Variants in ROM1 observed in about 807,000 individuals in gnomAD.
The protein encoded by ROM1 is rod outer segment membrane protein 1.
ROM1 carries 17 observed loss-of-function variants against 23.0 expected under a neutral mutation model. The observed-to-expected ratio is 0.74, with a 90% confidence interval of 0.51 to 1.11. The LOEUF (loss-of-function observed/expected upper bound fraction) is 1.11, where lower values mean the gene tolerates loss of function less well. Among genes scored for constraint, ROM1 ranks in the 50% least tolerant of loss-of-function variants. The pLI, the probability that ROM1 is intolerant of heterozygous loss-of-function variation, is 0.00. For missense variants in ROM1, 436 were observed against 439.7 expected (o/e 0.99, Z 0.08); for synonymous variants, 200 against 206.5 (o/e 0.97, Z 0.27).
Position 62,613,844 on chromosome 11 carries a change from T to G in ROM1, c.563T>G (p.Leu188Arg). ...FGVQWVSSRY[L>R]DPGDRDVADR... ...GTCCAGTGGGTCAGCAGCCGTTACC[T>G]GGATCCCGGTGACCGGGATGTGGCT... The change falls in exon 1 of 3, where the codon CTG (leucine) becomes CGG (arginine). Residue 188 changes from leucine to arginine, a missense_variant. Coordinates refer to ENST00000278833, the MANE Select transcript of ROM1 (RefSeq NM_000327.4). 6.2e-7 allele frequency: 1 copy of G among 1,614,034 alleles called. No individual in the cohort carries two copies. The highest frequency in any genetic ancestry group is 1.6e-4 in the Middle Eastern group (1 of 6,062).
chr11:62,614,145 C>A, intron 1 of ROM1, 113 bp from the exon 2 acceptor site: 1 of 1,326,684 alleles, frequency 7.5e-7, no homozygotes, highest in Non-Finnish European at 1.1e-6. Context: ...CATAGTACAG[C>A]AGTCAGTAAA....
At position 62,613,446 on chromosome 11, in the gene ROM1, C is replaced by T. The variant is rs373744940; in HGVS notation, c.165C>T (p.Pro55=). ...QLRHLGTFLA[P]SCQFPVLPQA... ...GGCACCTTGGCACCTTCCTGGCTCC[C>T]TCCTGTCAGTTCCCTGTCCTGCCCC... is the stretch of plus-strand genomic sequence containing the variant. Residue 55 remains proline (P), a synonymous_variant, in exon 1 of 3, where the codon CCC becomes CCT. Transcript: ENST00000278833. 9.3e-6 allele frequency: 15 copies of T among 1,612,986 alleles called. No homozygotes were observed. The highest frequency in any genetic ancestry group is 6.7e-5 in the African/African-American group (5 of 74,910).
rs1387102485 is a variant in ROM1, at chr11:62,613,517, T to TG, written c.239dup (p.Val81CysfsTer51). 9.9e-6 allele frequency: 16 copies of TG among 1,613,692 alleles called. No homozygotes were observed. Among genetic ancestry groups the TG allele is most frequent in the Non-Finnish European group, 1.3e-5 (15 of 1,179,826 alleles). On this transcript the variant is annotated frameshift_variant, in exon 1 of 3. Coordinates refer to ENST00000278833, the MANE Select transcript of ROM1 (RefSeq NM_000327.4). LOFTEE classifies it high-confidence loss of function. ...GCGGTGGCTCTGGGCACAGGACTAG[T>TG]GGGTGTAGGAGCCAGCCGGGCAAGT...
chr11:62,613,459 C>A lies in ROM1; in HGVS notation c.178C>A (p.Pro60Thr), dbSNP rs199757012. Residue 60 changes from proline to threonine, a missense_variant, in exon 1 of 3, where the codon CCT (proline) becomes ACT (threonine). Pro to Thr is a conservative substitution (Grantham distance 38, BLOSUM62 -1). Transcript: ENST00000278833. Reference protein sequence around the residue: ...GTFLAPSCQFPVLPQAALAAG... With the variant: ...GTFLAPSCQFTVLPQAALAAG... Reference sequence around the variant, plus strand: ...CTTCCTGGCTCCCTCCTGTCAGTTCCCTGTCCTGCCCCAGGCTGCCCTGGC... The same window carrying A: ...CTTCCTGGCTCCCTCCTGTCAGTTCACTGTCCTGCCCCAGGCTGCCCTGGC... 3.3e-4 allele frequency: 533 copies of A among 1,613,068 alleles called. No individual in the cohort carries two copies. The highest frequency in any genetic ancestry group is 7.5e-4 in the Admixed American group (45 of 59,856).
rs150065017 is a variant in ROM1, at chr11:62,613,614, G to T, written c.333G>T (p.Gly111=). 25 of 1,612,232 alleles carry T rather than the reference G, an allele frequency of 1.6e-5. No homozygotes were observed. The highest frequency in any genetic ancestry group is 8.9e-5 in the East Asian group (4 of 44,876). ...TGCTGGTGGCTGGCACGGCTGGTGG[G>T]GGGGGGCTCCTGGTCGTCGGCCTCG... ...GPLLVAGTAG[G]GGLLVVGLGL... The change falls in exon 1 of 3, where the codon GGG becomes GGT. Residue 111 remains glycine (G), a synonymous_variant. Transcript: ENST00000278833.
chr11:62,614,384 C>A lies in ROM1; in HGVS notation c.717C>A (p.Phe239Leu), dbSNP rs762983591. 9 of 1,614,038 alleles carry A rather than the reference C, an allele frequency of 5.6e-6. No individual in the cohort carries two copies. The highest frequency in any genetic ancestry group is 5.9e-6 in the Non-Finnish European group (7 of 1,180,034). ...CAGACTCCTACGCCCACCCCCTGTT[C>A]GATCCCCGACAACCCAACCAAAACC... is the stretch of plus-strand genomic sequence containing the variant. ...RLSDSYAHPL[F>L]DPRQPNQNLW... The change falls in exon 2 of 3, where the codon TTC becomes TTA. Residue 239 changes from phenylalanine (F) to leucine (L), a missense_variant. By Grantham distance (22) the Phe-to-Leu change is conservative. Coordinates refer to ENST00000278833, the MANE Select transcript of ROM1 (RefSeq NM_000327.4).
intron 1 of ROM1, 69 bp from the exon 2 acceptor site, chr11:62,614,189 G>A (rs1942971014): frequency 5.7e-6 from 9 of 1,567,922 alleles, no homozygotes; most frequent in Non-Finnish European, 7.9e-6. Context: ...CTGAACACCT[G>A]TGCCCTTCAG....
intron 1 of ROM1, 77 bp from the exon 2 acceptor site, chr11:62,614,181 G>C: frequency 6.5e-7 from 1 of 1,546,100 alleles, no homozygotes; most frequent in East Asian, 2.2e-5. Flanking sequence ...TTTCCCTTCT[G>C]AACACCTGTG....
rs145383959 is a variant in ROM1 at position 62,613,619 on chromosome 11, G to C, written c.338G>C (p.Gly113Ala). Reference protein sequence around the residue: ...LLVAGTAGGGGLLVVGLGLAL... With the variant: ...LLVAGTAGGGALLVVGLGLAL... Reference sequence around the variant, plus strand: ...GTGGCTGGCACGGCTGGTGGGGGGGGGCTCCTGGTCGTCGGCCTCGGGCTA... The same window carrying C: ...GTGGCTGGCACGGCTGGTGGGGGGGCGCTCCTGGTCGTCGGCCTCGGGCTA... Residue 113 changes from glycine (G) to alanine (A), a missense_variant, in exon 1 of 3, where the codon GGG (glycine) becomes GCG (alanine). Gly to Ala is a moderately conservative substitution (Grantham distance 60, BLOSUM62 0). Coordinates refer to ENST00000278833, the MANE Select transcript of ROM1 (RefSeq NM_000327.4). 3.0e-5 allele frequency: 48 copies of C among 1,612,830 alleles called. No homozygotes were observed. The Admixed American group carries it at 4.5e-4, about 15-fold the overall frequency.
At position 62,613,611 on chromosome 11, in the gene ROM1, TGGGGGGG is replaced by T. The variant is rs71458427; in HGVS notation, c.333_339del (p.Gly112SerfsTer8). On this transcript the variant is annotated frameshift_variant, in exon 1 of 3. Coordinates refer to ENST00000278833, the MANE Select transcript of ROM1 (RefSeq NM_000327.4). LOFTEE classifies it high-confidence loss of function. ...CGCTGCTGGTGGCTGGCACGGCTGG[TGGGGGGG>T]GGCTCCTGGTCGTCGGCCTCGGGCT... The T allele has an allele frequency of 1.7e-4, 266 of 1,580,936 alleles. 1 individual carries two copies. The South Asian group carries it at 2.8e-3, about 17-fold the overall frequency.
Position 62,613,890 on chromosome 11 carries a change from C to T in ROM1, c.590+19C>T, listed in dbSNP as rs1386806007. The T allele has an allele frequency of 6.2e-7, 1 of 1,613,290 alleles. No homozygotes were observed. The highest frequency in any genetic ancestry group is 1.7e-5 in the Admixed American group (1 of 60,010). Reference sequence around the variant, plus strand: ...TGGCTGAGTGAGTGATTTGCGTCTCCCTTCCTCCTCCTCCTCCTCCCTGGA... The same window carrying T: ...TGGCTGAGTGAGTGATTTGCGTCTCTCTTCCTCCTCCTCCTCCTCCCTGGA... On this transcript the variant is annotated intron_variant, in intron 1 of 2. Transcript: ENST00000278833.
rs202210450 is a variant in ROM1, at chr11:62,614,853, G to C, written c.*14G>C. The stretch of plus-strand genomic sequence containing the variant: ...TCTGAGGCCTAGAGGCCTGGAGCTT[G>C]GGGTGAGGAAGAGGGAGGGATGGAC... On this transcript the variant is annotated 3_prime_UTR_variant, in exon 3 of 3. Transcript: ENST00000278833. 19 of 1,605,950 alleles carry C rather than the reference G, an allele frequency of 1.2e-5. No individual in the cohort carries two copies. In the East Asian group the frequency reaches 3.8e-4, roughly 32 times the overall value.
At position 62,614,514 on chromosome 11, in the gene ROM1, C is replaced by T; in HGVS notation, c.837+10C>T. ...CACCTTCCTACTGCAGGTGAGTCAG[C>T]AAAGCATCTGACACCTCCTCCCACC... is the stretch of plus-strand genomic sequence containing the variant. On this transcript the variant is annotated intron_variant, in intron 2 of 2. Transcript: ENST00000278833. 6.2e-7 allele frequency: 1 copy of T among 1,614,136 alleles called. No homozygotes were observed. The highest frequency in any genetic ancestry group is 8.5e-7 in the Non-Finnish European group (1 of 1,180,030).
Position 62,613,267 on chromosome 11 carries a change from G to C in ROM1, c.-15G>C. On this transcript the variant is annotated 5_prime_UTR_variant, in exon 1 of 3. Transcript: ENST00000278833. ...ATCCCTGACACCTCTGCATTCCCTT[G>C]GGCAGAGATGGGAGATGGCGCCGGT... is the stretch of plus-strand genomic sequence containing the variant. 1 of 1,583,802 alleles carries C rather than the reference G, an allele frequency of 6.3e-7. No individual in the cohort carries two copies. The highest frequency in any genetic ancestry group is 8.6e-7 in the Non-Finnish European group (1 of 1,167,672).
rs752310749 is a variant in ROM1 at position 62,613,615 on chromosome 11, G to C, written c.334G>C (p.Gly112Arg). The change falls in exon 1 of 3, where the codon GGG (glycine) becomes CGG (arginine). Residue 112 changes from glycine to arginine, a missense_variant. By Grantham distance (125) the Gly-to-Arg change is moderately radical (BLOSUM62 -2). Coordinates refer to ENST00000278833, the MANE Select transcript of ROM1 (RefSeq NM_000327.4). ...PLLVAGTAGGGGLLVVGLGLA... is the reference protein window; with the variant it reads ...PLLVAGTAGGRGLLVVGLGLA... Reference sequence around the variant, plus strand: ...GCTGGTGGCTGGCACGGCTGGTGGGGGGGGGCTCCTGGTCGTCGGCCTCGG... The same window carrying C: ...GCTGGTGGCTGGCACGGCTGGTGGGCGGGGGCTCCTGGTCGTCGGCCTCGG... 2 of 1,612,380 alleles carry C rather than the reference G, an allele frequency of 1.2e-6. No homozygotes were observed. The highest frequency in any genetic ancestry group is 1.3e-5 in the African/African-American group (1 of 75,050).
Position 62,613,389 on chromosome 11 carries a change from C to T in ROM1, c.108C>T (p.Leu36=), listed in dbSNP as rs1178495697. The T allele has an allele frequency of 3.7e-6, 6 of 1,613,690 alleles. 1 individual carries two copies. The highest frequency in any genetic ancestry group is 3.3e-5 in the Admixed American group (2 of 59,964). ...WLLALAGGVI[L]LCSGHLLVQL... The stretch of plus-strand genomic sequence containing the variant: ...TGGCGCTGGCTGGTGGCGTCATCCT[C>T]CTCTGTAGTGGGCACCTCCTGGTCC... Residue 36 remains leucine (L), a synonymous_variant, in exon 1 of 3, where the codon CTC becomes CTT. Transcript: ENST00000278833.
rs1942992224 is a variant in ROM1 at position 62,614,875 on chromosome 11, G to A, written c.*36G>A. The A allele has an allele frequency of 6.4e-7, 1 of 1,557,972 alleles. No homozygotes were observed. The highest frequency in any genetic ancestry group is 8.8e-7 in the Non-Finnish European group (1 of 1,132,084). ...CTTGGGGTGAGGAAGAGGGAGGGAT[G>A]GACAAGTCTGAAAACCTCACAACTC... On this transcript the variant is annotated 3_prime_UTR_variant, in exon 3 of 3. Transcript: ENST00000278833.
chr11:62,614,324 C>T lies in ROM1; in HGVS notation c.657C>T (p.Pro219=), dbSNP rs1483674149. The T allele has an allele frequency of 1.9e-6, 3 of 1,614,046 alleles. No homozygotes were observed. ...GGGTCCCTTTCTCCTGTTGCAACCC[C>T]CACTCACCCCGGCCTTGCCTGCAAA... ...TDGVPFSCCN[P]HSPRPCLQNR... Residue 219 remains proline, a synonymous_variant, in exon 2 of 3, where the codon CCC becomes CCT. Coordinates refer to ENST00000278833, the MANE Select transcript of ROM1 (RefSeq NM_000327.4).
chr11:62,614,535 C>T, intron 2 of ROM1, 31 bp downstream of exon 2: 1 of 1,614,146 alleles, frequency 6.2e-7, no homozygotes, highest in Admixed American at 1.7e-5. Context: ...ACACCTCCTC[C>T]CACCCGGGAC....
Sources: allele counts gnomAD v4.1 joint callset, GRCh38; gene constraint gnomAD v4.1.1; transcripts MANE v1.5; gene names NCBI Gene and HGNC (gene_info 2026-07-23, HGNC 2026-07-21).